Variants in WIZ observed in about 807,000 individuals in gnomAD.
The protein encoded by WIZ is WIZ zinc finger, also known as protein Wiz.
A neutral mutation model predicts 140.2 loss-of-function variants in WIZ; 25 were observed. The ratio of observed to expected loss-of-function variants is 0.18; its 90% CI spans 0.13 to 0.25. The LOEUF (loss-of-function observed/expected upper bound fraction) is 0.25. Ranked by LOEUF, WIZ falls within the 10% of genes least tolerant of loss-of-function variation. The pLI, the probability that WIZ is intolerant of heterozygous loss-of-function variation, is 1.00. For missense variants in WIZ, 2,231 were observed against 2,632.6 expected, an observed-to-expected ratio of 0.85 and a Z score of 3.34; for synonymous variants, 1,125 against 1,154.3, an observed-to-expected ratio of 0.97 and a Z score of 0.51.
Position 15,439,055 on chromosome 19 carries a change from G to A in WIZ, c.1939C>T (p.Pro647Ser), listed in dbSNP as rs1969624637. ...AGGGCCGCCTGCGGGATGAGGCTGG[G>A]GGTGGCTAGGGGTGAAAAGACCCCA... is the stretch of plus-strand genomic sequence containing the variant. ...ENGVFSPLAT[P>S]SLIPQAALEL... The change falls in exon 4 of 13, where the codon CCC becomes TCC. Residue 647 changes from proline to serine, a missense_variant. Pro to Ser is a moderately conservative substitution (Grantham distance 74). Coordinates refer to ENST00000673675, the MANE Select transcript of WIZ (RefSeq NM_001371589.1). The surrounding 1 kb of genome is among the most constrained non-coding windows in gnomAD (Gnocchi z 7.0). The A allele has an allele frequency of 1.3e-6, 2 of 1,494,898 alleles. No homozygotes were observed. Among genetic ancestry groups the A allele is most frequent in the Non-Finnish European group, 1.8e-6 (2 of 1,125,124 alleles). 92.6% of individuals were successfully genotyped at this position (1,494,898 alleles called of 1,614,324 possible).
At chr19:15,432,522 TGGCGGCGGCGGCGGG>T in intron 5 of WIZ, 1 of 229,614 alleles carries the variant, frequency 4.4e-6, no homozygotes, top group Non-Finnish European at 5.9e-6. Context: ...GCGGTGGTGG[TGGCGGCGGCGGCGGG>T]GGTGGGGGCG....
intron 5 of WIZ, among the ~76,000 whole-genome samples, chr19:15,431,598 G>A (rs1969243337): frequency 6.6e-6 from 1 of 152,150 alleles, no homozygotes; most frequent in Non-Finnish European, 1.5e-5. Flanking sequence ...GCCACACAGA[G>A]GCAGGGAGCC....
chr19:15,437,292 C>T (rs1486303228), intron 4 of WIZ, among the ~76,000 whole-genome samples, 163 bp from the exon 5 acceptor site: 1 of 152,206 alleles, frequency 6.6e-6, no homozygotes, highest in Non-Finnish European at 1.5e-5. Flanking sequence ...TCCTCCCACC[C>T]CATTCCAGGA....
intron 2 of WIZ, among the ~76,000 whole-genome samples, chr19:15,443,205 G>C (rs890601651): frequency 6.6e-6 from 1 of 152,220 alleles, no homozygotes; most frequent in African/African-American, 2.4e-5. Context: ...CTGAGTAGCT[G>C]GAATTACAGG....
At chr19:15,446,839 C>T (rs1453085640) in intron 2 of WIZ, among the ~76,000 whole-genome samples, 5 of 152,254 alleles carry the variant, frequency 3.3e-5, no homozygotes, top group African/African-American at 1.2e-4. Flanking sequence ...ATGGTGTGTG[C>T]TCAGTCACCG....
intron 1 of WIZ, 116 bp from the exon 2 acceptor site, chr19:15,448,483 C>T (rs1225377773): frequency 1.3e-6 from 1 of 771,238 alleles, no homozygotes; most frequent in East Asian, 2.7e-5. Context: ...AGTTTACCTC[C>T]CAGCCCAGGG....
At position 15,437,750 on chromosome 19, in the gene WIZ, T is replaced by C. The variant is rs1969569579; in HGVS notation, c.2417-621A>G. Among the ~76,000 whole-genome samples the C allele has an allele frequency of 2.6e-5, 4 of 152,370 alleles. No individual in the cohort carries two copies. The South Asian group carries it at 8.3e-4, about 32-fold the overall frequency. On this transcript the variant is annotated intron_variant, in intron 4 of 12. Coordinates refer to ENST00000673675, the MANE Select transcript of WIZ (RefSeq NM_001371589.1). ...TGATTAATAGCCTTCTCGTGACTAT[T>C]TTTACTCATGATCACGCAAGTGCTG...
At chr19:15,443,906 TC>T (rs1318524360) in intron 2 of WIZ, among the ~76,000 whole-genome samples, 1 of 151,846 alleles carries the variant, frequency 6.6e-6, no homozygotes, top group Non-Finnish European at 1.5e-5. Flanking sequence ...TGGGACCCCC[TC>T]CCCACCAACA....
In WIZ at chr19:15,422,289, T is replaced by C. The variant is rs1371065668; in HGVS notation, c.*787A>G. Reference sequence around the variant, plus strand: ...TAAAAAAGTGAAAGGTCTAGGGAGCTATACATAGAAAGCAACAGTGAAAAG... The same window carrying C: ...TAAAAAAGTGAAAGGTCTAGGGAGCCATACATAGAAAGCAACAGTGAAAAG... On this transcript the variant is annotated 3_prime_UTR_variant, in exon 13 of 13. Transcript: ENST00000673675. 6.6e-6 allele frequency: 1 copy of C among 152,162 alleles called. No individual in the cohort carries two copies. The highest frequency in any genetic ancestry group is 1.5e-5 in the Non-Finnish European group (1 of 68,044). 9.4% of individuals were successfully genotyped at this position (152,162 alleles called of 1,614,324 possible). A position where few individuals can be genotyped will look rare whatever the true frequency, so the allele number is the denominator to read the frequency against.
rs1377752450 is a variant in WIZ, at chr19:15,427,316, G to A, written c.4032C>T (p.Ser1344=). The A allele has an allele frequency of 6.2e-7, 1 of 1,613,718 alleles. No homozygotes were observed. The highest frequency in any genetic ancestry group is 1.7e-4 in the Middle Eastern group (1 of 6,022). The change falls in exon 9 of 13, where the codon AGC becomes AGT. Residue 1344 remains serine, a synonymous_variant. Transcript: ENST00000673675. The surrounding 1 kb of genome is among the most constrained non-coding windows in gnomAD (Gnocchi z 6.4). ...PGGPPNPPGP[S]PKALAKMMGG... Reference sequence around the variant, plus strand: ...CCATCATCTTGGCCAGGGCTTTTGGGCTTGGCCCTGGTGGGTTGGGAGGTC... The same window carrying A: ...CCATCATCTTGGCCAGGGCTTTTGGACTTGGCCCTGGTGGGTTGGGAGGTC...
Position 15,448,040 on chromosome 19 carries a change from T to G in WIZ, c.205+63A>C, listed in dbSNP as rs1969978521. ...CCGCTGCTGCGCTGGGTGACTTGAC[T>G]CTCTCTGAGCCTTGGGGAATGGGCT... On this transcript the variant is annotated intron_variant, in intron 2 of 12. Transcript: ENST00000673675. The G allele has an allele frequency of 5.1e-6, 8 of 1,583,062 alleles. No homozygotes were observed. The Admixed American group carries it at 1.3e-4, about 26-fold the overall frequency.
intron 5 of WIZ, chr19:15,433,260 C>T: frequency 1.0e-6 from 1 of 985,466 alleles, no homozygotes. Flanking sequence ...CCCACAAGGC[C>T]GGCAACACAT....
rs1298798157 is a variant in WIZ at position 15,423,182 on chromosome 19, C to T, written c.5564G>A (p.Arg1855Gln). The change falls in exon 13 of 13, where the codon CGG becomes CAG. Residue 1855 changes from arginine (R) to glutamine (Q), a missense_variant. Coordinates refer to ENST00000673675, the MANE Select transcript of WIZ (RefSeq NM_001371589.1). Reference sequence around the variant, plus strand: ...CTCCAGGATGTGCCGCTGTAAGTGCCGCACCCACTCTTCCTGGATGGAGAG... The same window carrying T: ...CTCCAGGATGTGCCGCTGTAAGTGCTGCACCCACTCTTCCTGGATGGAGAG... ...GPLSIQEEWVRHLQRHILEMN... is the reference protein window; with the variant it reads ...GPLSIQEEWVQHLQRHILEMN... 9.9e-6 allele frequency: 16 copies of T among 1,613,638 alleles called. No homozygotes were observed. Among genetic ancestry groups the T allele is most frequent in the South Asian group, 2.2e-5 (2 of 91,074 alleles).
intron 5 of WIZ, chr19:15,432,463 C>A: frequency 1.0e-6 from 1 of 983,304 alleles, no homozygotes; most frequent in Non-Finnish European, 1.2e-6. Context: ...GGGCCCGGGC[C>A]CCGGCTCCGG....
chr19:15,426,961 C>A, intron 9 of WIZ, 21 bp downstream of exon 9: 1 of 1,588,828 alleles, frequency 6.3e-7, no homozygotes, highest in African/African-American at 1.3e-5. Context: ...TCTCCCTGCC[C>A]TACTGCAGGG....
At chr19:15,438,481 A>T (rs946724234) in intron 4 of WIZ, 97 bp downstream of exon 4, 6 of 1,325,418 alleles carry the variant, frequency 4.5e-6, no homozygotes, top group Non-Finnish European at 6.0e-6. Flanking sequence ...CAGAGGCCCC[A>T]GTGTCCCCCT....
rs1163404933 is a variant in WIZ, at chr19:15,439,602, G to A, written c.1392C>T (p.Ser464=). ...CGGGGAAACCACAGAAGACACAGGC[G>A]CTGAGGCCAACGGCAGCTCCGTAGG... ...YQPYGAAVGL[S]ACVFCGFPAP... Residue 464 remains serine, a synonymous_variant, in exon 4 of 13, where the codon AGC becomes AGT. Coordinates refer to ENST00000673675, the MANE Select transcript of WIZ (RefSeq NM_001371589.1). This position sits in a 1 kb window ranked among gnomAD's most constrained non-coding sequence, Gnocchi z 7.0. 8 of 1,480,668 alleles carry A rather than the reference G, an allele frequency of 5.4e-6. No homozygotes were observed. The highest frequency in any genetic ancestry group is 5.0e-5 in the East Asian group (2 of 40,322). 91.7% of individuals were successfully genotyped at this position (1,480,668 alleles called of 1,614,324 possible). A position where few individuals can be genotyped will look rare whatever the true frequency, so the allele number is the denominator to read the frequency against.
Position 15,421,051 on chromosome 19 carries a change from G to A in WIZ, c.*2025C>T, listed in dbSNP as rs1968349717. 6.6e-6 allele frequency: 1 copy of A among 152,100 alleles called. No individual in the cohort carries two copies. The highest frequency in any genetic ancestry group is 1.5e-5 in the Non-Finnish European group (1 of 68,042). The allele number at this position is 152,100 out of a possible 1,614,324, so 9.4% of individuals were successfully genotyped here. A position where few individuals can be genotyped will look rare whatever the true frequency, so the allele number is the denominator to read the frequency against. ...GAATCACTTGAACCCAGGAGGCAGA[G>A]ACTGCAGCGAGCCGAGGTCCCTACA... On this transcript the variant is annotated 3_prime_UTR_variant, in exon 13 of 13. Coordinates refer to ENST00000673675, the MANE Select transcript of WIZ (RefSeq NM_001371589.1).
In WIZ at chr19:15,438,807, C is replaced by A. The variant is rs61732028; in HGVS notation, c.2187G>T (p.Pro729=). The change falls in exon 4 of 13, where the codon CCG becomes CCT. Residue 729 remains proline, a synonymous_variant. Transcript: ENST00000673675. ...FLLLDAPLGG[P]LGLDTLLDGD... is the part of the protein sequence containing the mutation. ...CATCCAGGAGTGTGTCCAGCCCCAGCGGGCCGCCCAGCGGCGCGTCCAGGA... is the reference window on the plus strand; with the variant it reads ...CATCCAGGAGTGTGTCCAGCCCCAGAGGGCCGCCCAGCGGCGCGTCCAGGA... 1 of 1,515,566 alleles carries A rather than the reference C, an allele frequency of 6.6e-7. No homozygotes were observed. The highest frequency in any genetic ancestry group is 2.0e-5 in the Admixed American group (1 of 49,814). 93.9% of individuals were successfully genotyped at this position (1,515,566 alleles called of 1,614,324 possible).
Sources: allele counts gnomAD v4.1 joint callset (sites outside exome capture counted in the v4.1 genomes callset), GRCh38; gene constraint gnomAD v4.1.1; non-coding constraint Gnocchi (gnomAD v3.1); transcripts MANE v1.5; gene names NCBI Gene and HGNC (gene_info 2026-07-23, HGNC 2026-07-21).